NODAL: variants seen among roughly 807,000 people sequenced by gnomAD.
NODAL encodes nodal homolog.
NODAL carries 12 observed loss-of-function variants against 34.0 expected under a neutral mutation model. The observed-to-expected ratio is 0.35, with a 90% CI of 0.23 to 0.57. The LOEUF (loss-of-function observed/expected upper bound fraction) is 0.57. Among genes scored for constraint, NODAL ranks in the 20% least tolerant of loss-of-function variants. The pLI, the probability that NODAL is intolerant of heterozygous loss-of-function variation, is 0.83. For synonymous variants in NODAL, 162 were observed against 186.4 expected, an observed-to-expected ratio of 0.87 and a Z score of 1.07; for missense variants, 390 against 444.2, an observed-to-expected ratio of 0.88 and a Z score of 1.10.
At chr10:70,435,158 A>G in intron 2 of NODAL, 128 bp downstream of exon 2, 2 of 822,210 alleles carry the variant, frequency 2.4e-6, no homozygotes, top group South Asian at 3.3e-5. Context: ...CTAGCACAGG[A>G]TCCTGGTACA....
At chr10:70,442,220 G>C (rs1004490200), upstream of NODAL, among the ~76,000 whole-genome samples, 1 of 152,216 alleles carries the variant, frequency 6.6e-6, no homozygotes, top group Non-Finnish European at 1.5e-5. Flanking sequence ...AAATACTGAA[G>C]TGCTTTCCTG....
At chr10:70,437,275 T>C (rs1424972068) in intron 1 of NODAL, among the ~76,000 whole-genome samples, 5 of 152,152 alleles carry the variant, frequency 3.3e-5, no homozygotes, top group African/African-American at 1.2e-4. Context: ...AAACCCCGTC[T>C]CTACTAAAAA....
chr10:70,433,711 G>A (rs959559959), intron 2 of NODAL, among the ~76,000 whole-genome samples: 30 of 152,150 alleles, frequency 2.0e-4, no homozygotes, highest in Admixed American at 1.9e-3. Flanking sequence ...CACCGTGCCC[G>A]GCTGTGAATA....
chr10:70,437,168 C>T (rs150556443), intron 1 of NODAL, among the ~76,000 whole-genome samples: 31 of 152,286 alleles, frequency 2.0e-4, no homozygotes, highest in South Asian at 4.1e-4. Flanking sequence ...TGATGCCGGG[C>T]GCGGTGGCTC....
chr10:70,435,655 G>T lies in NODAL; in HGVS notation c.522C>A (p.Ser174=). ...KHPGALEKQM[S]RVAGECWPRP... is the part of the protein sequence containing the mutation. ...GCGGCCAGCACTCTCCAGCTACCCT[G>T]GACATCTGCTTCTCCAGGGCCCCAG... Residue 174 remains serine, a synonymous_variant, in exon 2 of 3, where the codon TCC becomes TCA. Coordinates refer to ENST00000287139, the MANE Select transcript of NODAL (RefSeq NM_018055.5). 6.2e-7 allele frequency: 1 copy of T among 1,614,086 alleles called. No individual in the cohort carries two copies. The highest frequency in any genetic ancestry group is 8.5e-7 in the Non-Finnish European group (1 of 1,179,978).
chr10:70,435,568 C>T lies in NODAL; in HGVS notation c.609G>A (p.Glu203=). 1.2e-6 allele frequency: 2 copies of T among 1,614,122 alleles called. No individual in the cohort carries two copies. Among genetic ancestry groups the T allele is most frequent in the Non-Finnish European group, 8.5e-7 (1 of 1,180,024 alleles). ...LLMLYSNLSQ[E]QRQLGGSTLL... is the part of the protein sequence containing the mutation. ...AGGTGGACCCACCCAGCTGCCTCTG[C>T]TCCTGCGAGAGGTTGGAGTAGAGCA... The change falls in exon 2 of 3, where the codon GAG becomes GAA. Residue 203 remains glutamate (E), a synonymous_variant. Transcript: ENST00000287139.
upstream of NODAL, among the ~76,000 whole-genome samples, chr10:70,445,574 G>A (rs1159154944): frequency 3.3e-5 from 5 of 152,146 alleles, no homozygotes; most frequent in Admixed American, 3.3e-4. Flanking sequence ...CACTGTTTAA[G>A]GTAAAATGAA....
chr10:70,438,445 C>T (rs2132217664), intron 1 of NODAL, among the ~76,000 whole-genome samples: 1 of 152,310 alleles, frequency 6.6e-6, no homozygotes, highest in East Asian at 1.9e-4. Flanking sequence ...CTCTGAGCCT[C>T]AGTTTCCCTC....
chr10:70,440,792 G>C (rs1845420995), intron 1 of NODAL, among the ~76,000 whole-genome samples: 1 of 152,214 alleles, frequency 6.6e-6, no homozygotes, highest in African/African-American at 2.4e-5. Flanking sequence ...TCCCCGGCGC[G>C]GCTGGAGGAC....
Position 70,433,021 on chromosome 10 carries a change from G to A in NODAL, c.959C>T (p.Pro320Leu), listed in dbSNP as rs147251818. The A allele has an allele frequency of 1.2e-5, 19 of 1,613,902 alleles. No homozygotes were observed. The highest frequency in any genetic ancestry group is 3.3e-5 in the Admixed American group (2 of 59,982). Residue 320 changes from proline (P) to leucine (L), a missense_variant, in exon 3 of 3, where the codon CCG becomes CTG. Pro to Leu is a moderately conservative substitution (Grantham distance 98). Coordinates refer to ENST00000287139, the MANE Select transcript of NODAL (RefSeq NM_018055.5). ...STCCAPVKTK[P>L]LSMLYVDNGR... ...ATTATCCACATACAGCATGCTCAGCGGCTTGGTCTTCACTGGGGCACAACA... is the reference window on the plus strand; with the variant it reads ...ATTATCCACATACAGCATGCTCAGCAGCTTGGTCTTCACTGGGGCACAACA...
chr10:70,433,223 T>A, intron 2 of NODAL, 135 bp from the exon 3 acceptor site: 1 of 945,136 alleles, frequency 1.1e-6, no homozygotes, highest in Non-Finnish European at 1.7e-6. Flanking sequence ...ATTATTTTCA[T>A]AAAGGAATTA....
At position 70,437,936 on chromosome 10, in the gene NODAL, C is replaced by T. The variant is rs564290932; in HGVS notation, c.194-1953G>A. On this transcript the variant is annotated intron_variant, in intron 1 of 2. Coordinates refer to ENST00000287139, the MANE Select transcript of NODAL (RefSeq NM_018055.5). The stretch of plus-strand genomic sequence containing the variant: ...CCCAGAAGTGTGGGGAGGAGGCTAA[C>T]ATTACTCAGCACTCACTGCTGCCAC... 2.0e-5 allele frequency among the ~76,000 whole-genome samples: 3 copies of T among 152,266 alleles called. No homozygotes were observed. In the South Asian group the frequency reaches 6.2e-4, roughly 32 times the overall value.
intron 1 of NODAL, chr10:70,436,701 A>G (rs1564667815): frequency 6.5e-6 from 1 of 152,872 alleles, no homozygotes; most frequent in Non-Finnish European, 1.5e-5. Flanking sequence ...CCCAGTTCCT[A>G]AGAGTTTTTG....
upstream of NODAL, among the ~76,000 whole-genome samples, chr10:70,446,652 T>C (rs1053834250): frequency 6.6e-6 from 1 of 152,168 alleles, no homozygotes; most frequent in African/African-American, 2.4e-5. Context: ...ATTTCCTGTA[T>C]GCCAGGGGTG....
At chr10:70,447,073 TTC>T (rs1431331510) in intron 1 of NODAL, among the ~76,000 whole-genome samples, 7 of 43,800 alleles carry the variant, frequency 1.6e-4, no homozygotes, top group Non-Finnish European at 4.7e-4. Context: ...CCTCTTCTTC[TTC>T]TTTTTTTTTT....
intron 1 of NODAL, among the ~76,000 whole-genome samples, chr10:70,437,097 A>G (rs762402571): frequency 6.6e-6 from 1 of 152,160 alleles, no homozygotes; most frequent in Non-Finnish European, 1.5e-5. Context: ...CTGGTCCTGG[A>G]TTGATTTTCC....
chr10:70,433,421 T>TC (rs1239958836), intron 2 of NODAL, among the ~76,000 whole-genome samples: 1 of 152,064 alleles, frequency 6.6e-6, no homozygotes, highest in East Asian at 1.9e-4. Context: ...AATACCATTT[T>TC]TTTTTTCTTT....
At chr10:70,441,390 C>A in intron 1 of NODAL, 85 bp downstream of exon 1, 1 of 1,463,834 alleles carries the variant, frequency 6.8e-7, no homozygotes. Flanking sequence ...GCCCCCAACC[C>A]ACAGCACTTC....
At chr10:70,439,942 C>T (rs1845407851) in intron 1 of NODAL, among the ~76,000 whole-genome samples, 1 of 152,184 alleles carries the variant, frequency 6.6e-6, no homozygotes, top group Non-Finnish European at 1.5e-5. Flanking sequence ...CGCAGTGGCG[C>T]GCGCCTGTAG....
Sources: allele counts gnomAD v4.1 joint callset (sites outside exome capture counted in the v4.1 genomes callset), GRCh38; gene constraint gnomAD v4.1.1; transcripts MANE v1.5; gene names NCBI Gene and HGNC (gene_info 2026-07-23, HGNC 2026-07-21).